The following ASAP3 variants were observed in gnomAD, a reference collection of about 807,000 sequenced individuals.
ASAP3 encodes the protein ArfGAP with SH3 domain, ankyrin repeat and PH domain 3.
In ASAP3, 85 loss-of-function variants were observed where a neutral mutation model predicts 118.2. That is an observed-to-expected ratio of 0.72 (90% confidence interval 0.60 to 0.86). The LOEUF (loss-of-function observed/expected upper bound fraction) is 0.86, where lower values mean the gene tolerates loss of function less well. ASAP3 is among the 40% of genes least tolerant of loss of function. ASAP3 has a pLI of 0.00. For missense variants in ASAP3, 1,026 were observed against 1,175.0 expected (o/e 0.87, Z 1.85); for synonymous variants, 432 against 477.4 (o/e 0.90, Z 1.24).
At chr1:23,484,264 C>T, upstream of ASAP3, 1 of 894,790 alleles carries the variant, frequency 1.1e-6, no homozygotes, top group Non-Finnish European at 1.4e-6. Flanking sequence ...GCACGCCCCG[C>T]CCCCGACCCT....
At chr1:23,483,848 G>A (rs1642394973) in intron 1 of ASAP3, among the ~76,000 whole-genome samples, 157 bp downstream of exon 1, 1 of 152,140 alleles carries the variant, frequency 6.6e-6, no homozygotes, top group African/African-American at 2.4e-5. Context: ...CGGTGAGGAC[G>A]CAGCTGTTGG....
rs1409955736 is a variant in ASAP3 at position 23,436,522 on chromosome 1, C to T, written c.1571+38G>A. ...CCTGGACACTGCGGAGGCAGAATCC[C>T]CTAGGCAGGGTGCCCCTCTCTCTGA... is the stretch of plus-strand genomic sequence containing the variant. On this transcript the variant is annotated intron_variant, in intron 16 of 24. Coordinates refer to ENST00000336689, the MANE Select transcript of ASAP3 (RefSeq NM_017707.4). This position sits in a 1 kb window ranked among gnomAD's most constrained non-coding sequence, Gnocchi z 4.2. 2 of 1,607,684 alleles carry T rather than the reference C, an allele frequency of 1.2e-6. No individual in the cohort carries two copies. The highest frequency in any genetic ancestry group is 2.2e-5 in the East Asian group (1 of 44,866).
At chr1:23,459,936 AAAG>A (rs1641515787) in intron 1 of ASAP3, among the ~76,000 whole-genome samples, 2 of 152,218 alleles carry the variant, frequency 1.3e-5, no homozygotes, top group African/African-American at 4.8e-5. Flanking sequence ...GACCTAGAAT[AAAG>A]ACTACATTTC....
chr1:23,476,316 A>G (rs1255172238), intron 1 of ASAP3, among the ~76,000 whole-genome samples: 2 of 151,942 alleles, frequency 1.3e-5, no homozygotes, highest in African/African-American at 4.8e-5. Flanking sequence ...ACTGAACTCC[A>G]GCCTGGGCAA....
Position 23,437,624 on chromosome 1 carries a change from C to T in ASAP3, c.1103-152G>A. ...TAGGAGTGGGAAGGGAGTGGAATGA[C>T]AGTGGCCAGCACCAGGGGCAGTTTC... On this transcript the variant is annotated intron_variant, in intron 12 of 24. Coordinates refer to ENST00000336689, the MANE Select transcript of ASAP3 (RefSeq NM_017707.4). This position sits in a 1 kb window ranked among gnomAD's most constrained non-coding sequence, Gnocchi z 6.1. 1 of 944,720 alleles carries T rather than the reference C, an allele frequency of 1.1e-6. No homozygotes were observed. The highest frequency in any genetic ancestry group is 1.7e-5 in the South Asian group (1 of 59,150). 58.5% of individuals were successfully genotyped at this position (944,720 alleles called of 1,614,324 possible).
rs189945583 is a variant in ASAP3 at position 23,468,606 on chromosome 1, C to G, written c.130-12412G>C. Among the ~76,000 whole-genome samples the G allele has an allele frequency of 9.7e-4, 148 of 152,190 alleles. 1 individual carries two copies. The East Asian group carries it at 0.025, about 26-fold the overall frequency. ...TACAACGTTTGGCAGGGTGCGGTGG[C>G]TCACGCCTGTAATCCCAGCACTTTG... is the stretch of plus-strand genomic sequence containing the variant. On this transcript the variant is annotated intron_variant, in intron 1 of 24. Coordinates refer to ENST00000336689, the MANE Select transcript of ASAP3 (RefSeq NM_017707.4).
chr1:23,462,164 T>G (rs1018927583), intron 1 of ASAP3, among the ~76,000 whole-genome samples: 2 of 151,838 alleles, frequency 1.3e-5, no homozygotes, highest in Non-Finnish European at 2.9e-5. Flanking sequence ...GCTGGGACTA[T>G]AGGCGCCCGC....
In ASAP3 at chr1:23,431,033, A is replaced by G. The variant is rs980293942; in HGVS notation, c.2637+2T>C. On this transcript the variant is annotated splice_donor_variant, in intron 24 of 24. Transcript: ENST00000336689. LOFTEE classifies it high-confidence loss of function. The stretch of plus-strand genomic sequence containing the variant: ...CTCAAACCATGGTCCCAGAGTTCCT[A>G]CCGGCACGTTCCTTCTGGGCAGAGG... 1.3e-6 allele frequency: 2 copies of G among 1,574,178 alleles called. No homozygotes were observed. Among genetic ancestry groups the G allele is most frequent in the East Asian group, 4.6e-5 (2 of 43,684 alleles).
In ASAP3 at chr1:23,436,993, G is replaced by A. The variant is rs759500482; in HGVS notation, c.1394C>T (p.Ser465Leu). Residue 465 changes from serine to leucine, a missense_variant, in exon 15 of 25, where the codon TCG (serine) becomes TTG (leucine). Ser to Leu is a moderately radical substitution (Grantham distance 145). Coordinates refer to ENST00000336689, the MANE Select transcript of ASAP3 (RefSeq NM_017707.4). This position sits in a 1 kb window ranked among gnomAD's most constrained non-coding sequence, Gnocchi z 4.2. ...NLGVLTCIQCSGVHRELGVRF... is the reference protein window; with the variant it reads ...NLGVLTCIQCLGVHRELGVRF... The stretch of plus-strand genomic sequence containing the variant: ...CACGCCCAGTTCGCGGTGGACGCCC[G>A]AGCACTGGATGCAGGTGAGCACGCC... 1 of 1,612,064 alleles carries A rather than the reference G, an allele frequency of 6.2e-7. No homozygotes were observed. Among genetic ancestry groups the A allele is most frequent in the Admixed American group, 1.7e-5 (1 of 59,916 alleles).
At chr1:23,483,111 G>A (rs1209547636) in intron 1 of ASAP3, among the ~76,000 whole-genome samples, 1 of 152,208 alleles carries the variant, frequency 6.6e-6, no homozygotes, top group Non-Finnish European at 1.5e-5. Flanking sequence ...GGCGCAGGGT[G>A]TTATGAACTA....
intron 19 of ASAP3, among the ~76,000 whole-genome samples, chr1:23,434,004 CTAGCTAATA>C: frequency 6.6e-6 from 1 of 152,356 alleles, no homozygotes; most frequent in East Asian, 1.9e-4. Context: ...TCATTCAGAT[CTAGCTAATA>C]TTTATTTGCC....
At chr1:23,451,255 G>A (rs568608750) in intron 5 of ASAP3, among the ~76,000 whole-genome samples, 15 of 152,216 alleles carry the variant, frequency 9.9e-5, no homozygotes, top group Non-Finnish European at 2.1e-4. Context: ...ATGGGACTCT[G>A]AGAGCAGCAT....
At position 23,442,197 on chromosome 1, in the gene ASAP3, G is replaced by A. The variant is rs566031427; in HGVS notation, c.660C>T (p.His220=). ...GGGAAGATACCTACTTGTGCTGGGC[G>A]TGGAAGAACTTGATGAGGCTCTGAA... ...DFLQSLIKFF[H]AQHNFFQDGW... The change falls in exon 7 of 25, where the codon CAC becomes CAT. Residue 220 remains histidine (H), a synonymous_variant. Transcript: ENST00000336689. The A allele has an allele frequency of 5.0e-6, 8 of 1,601,716 alleles. No individual in the cohort carries two copies. Among genetic ancestry groups the A allele is most frequent in the African/African-American group, 2.7e-5 (2 of 74,980 alleles).
At chr1:23,483,572 G>T (rs1438195244) in intron 1 of ASAP3, among the ~76,000 whole-genome samples, 1 of 152,134 alleles carries the variant, frequency 6.6e-6, no homozygotes, top group East Asian at 1.9e-4. Flanking sequence ...GCCGCAAGCG[G>T]GAGGGGGCCT....
At position 23,450,628 on chromosome 1, in the gene ASAP3, A is replaced by T. The variant is rs1290142951; in HGVS notation, c.473+851T>A. 3.3e-5 allele frequency among the ~76,000 whole-genome samples: 5 copies of T among 152,070 alleles called. 1 individual carries two copies. The highest frequency in any genetic ancestry group is 6.8e-3 in the Middle Eastern group (2 of 294). ...CCTTGTAAAAAAAAAAATTCAAACA[A>T]CAGAGAGTATTATCCGCCTGCCATA... is the stretch of plus-strand genomic sequence containing the variant. On this transcript the variant is annotated intron_variant, in intron 5 of 24. Transcript: ENST00000336689.
At chr1:23,453,700 G>A (rs1340922156) in intron 3 of ASAP3, among the ~76,000 whole-genome samples, 1 of 152,066 alleles carries the variant, frequency 6.6e-6, no homozygotes, top group African/African-American at 2.4e-5. Context: ...CCTCCTCCAG[G>A]AAGTCTCTCC....
rs746201608 is a variant in ASAP3 at position 23,438,827 on chromosome 1, C to T, written c.1022G>A (p.Arg341Gln). The T allele has an allele frequency of 1.4e-5, 22 of 1,614,010 alleles. No individual in the cohort carries two copies. In the East Asian group the frequency reaches 1.8e-4, roughly 13 times the overall value. The change falls in exon 12 of 25, where the codon CGG becomes CAG. Residue 341 changes from arginine to glutamine, a missense_variant. Transcript: ENST00000336689. The surrounding 1 kb of genome is among the most constrained non-coding windows in gnomAD (Gnocchi z 4.9). ...CAGCAGGGTCAGCTTCACCGGGGGCCGGTTTATCTGTGGGAATTTAGGGGC... is the reference window on the plus strand; with the variant it reads ...CAGCAGGGTCAGCTTCACCGGGGGCTGGTTTATCTGTGGGAATTTAGGGGC... ...CLTISHSTIN[R>Q]PPVKLTLLTC... is the part of the protein sequence containing the mutation.
rs764882440 is a variant in ASAP3, at chr1:23,455,956, G to A, written c.273C>T (p.Asn91=). The A allele has an allele frequency of 3.4e-5, 55 of 1,614,062 alleles. No homozygotes were observed. Among genetic ancestry groups the A allele is most frequent in the Middle Eastern group, 3.3e-4 (2 of 6,084 alleles). Residue 91 remains asparagine (N), a synonymous_variant, in exon 3 of 25, where the codon AAC becomes AAT. Coordinates refer to ENST00000336689, the MANE Select transcript of ASAP3 (RefSeq NM_017707.4). ...ESLGNSHLSQ[N]SHELSTGFLN... ...GGAAGCCTGTGGACAGCTCATGGCTGTTCTGGGACAGGTGGCTGTTGCCTA... is the reference window on the plus strand; with the variant it reads ...GGAAGCCTGTGGACAGCTCATGGCTATTCTGGGACAGGTGGCTGTTGCCTA...
At chr1:23,445,718 A>T (rs1371392648) in intron 5 of ASAP3, among the ~76,000 whole-genome samples, 2 of 152,182 alleles carry the variant, frequency 1.3e-5, no homozygotes, top group Non-Finnish European at 2.9e-5. Flanking sequence ...CATGCCTGTA[A>T]TCCAAGTGCT....
Sources: allele counts gnomAD v4.1 joint callset (sites outside exome capture counted in the v4.1 genomes callset), GRCh38; gene constraint gnomAD v4.1.1; non-coding constraint Gnocchi (gnomAD v3.1); transcripts MANE v1.5; gene names NCBI Gene and HGNC (gene_info 2026-07-23, HGNC 2026-07-21).